IL1RAPL2: variants seen among roughly 807,000 people sequenced by gnomAD.
IL1RAPL2 encodes the protein X-linked interleukin-1 receptor accessory protein-like 2.
Under a neutral mutation model 44.1 loss-of-function variants are expected in IL1RAPL2, and 3 were observed. The observed-to-expected ratio is 0.07, with a 90% CI of 0.03 to 0.18. IL1RAPL2 has a LOEUF of 0.18. Ranked by LOEUF, IL1RAPL2 falls within the 10% of genes least tolerant of loss-of-function variation. IL1RAPL2 has a pLI of 1.00. For synonymous variants in IL1RAPL2, 181 were observed against 178.8 expected, an observed-to-expected ratio of 1.01 and a Z score of -0.10; for missense variants, 391 against 496.4, an observed-to-expected ratio of 0.79 and a Z score of 2.02.
chrX:104,621,261 C>T (rs184780674), intron 1 of IL1RAPL2, among the ~76,000 whole-genome samples: 5 of 106,811 alleles, frequency 4.7e-5, no homozygotes, highest in East Asian at 5.9e-4. Context: ...TATAATATTA[C>T]ATCTAGAATT....
At chrX:104,606,357 A>G (rs887333102) in intron 1 of IL1RAPL2, among the ~76,000 whole-genome samples, 6 of 111,897 alleles carry the variant, frequency 5.4e-5, no homozygotes, top group African/African-American at 1.6e-4. Flanking sequence ...ACCCACAGCC[A>G]ATACCATACT....
chrX:105,607,322 C>T (rs1166742747), intron 6 of IL1RAPL2, among the ~76,000 whole-genome samples: 1 of 108,708 alleles, frequency 9.2e-6, no homozygotes, highest in Non-Finnish European at 1.9e-5. Context: ...ATCAGTTTGG[C>T]TTTTTTTAAT....
chrX:105,012,702 G>T (rs73516229), intron 2 of IL1RAPL2, among the ~76,000 whole-genome samples: 6,073 of 77,633 alleles, frequency 0.078, 544 homozygotes, highest in African/African-American at 0.27. Context: ...ATAATAAAAT[G>T]CAAAATTATC....
intron 6 of IL1RAPL2, among the ~76,000 whole-genome samples, chrX:105,665,424 C>T (rs143537655): frequency 0.025 from 2,759 of 109,240 alleles, 51 homozygotes; most frequent in Non-Finnish European, 0.036. Flanking sequence ...TGTTTTTCCT[C>T]CTATCATTTG....
chrX:104,966,760 A>G (rs2030131514), intron 2 of IL1RAPL2, among the ~76,000 whole-genome samples: 1 of 112,556 alleles, frequency 8.9e-6, no homozygotes, highest in Non-Finnish European at 1.9e-5. Flanking sequence ...ATTGTGGACC[A>G]TATGATTTGC....
At chrX:104,724,920 T>C (rs1931759015) in intron 2 of IL1RAPL2, among the ~76,000 whole-genome samples, 1 of 111,549 alleles carries the variant, frequency 9.0e-6, no homozygotes, top group Admixed American at 9.6e-5. Flanking sequence ...AGTTCTGGGA[T>C]ACATGTACAG....
In IL1RAPL2 at chrX:104,865,035, TAG is replaced by T. The variant is rs1407433725; in HGVS notation, c.82+206042_82+206043del. ...CCAGTGCCAGAATGCATAATTGGCA[TAG>T]ACATACTTAGCAGCTTAAGACATAC... is the stretch of plus-strand genomic sequence containing the variant. On this transcript the variant is annotated intron_variant, in intron 2 of 10. Coordinates refer to ENST00000372582, the MANE Select transcript of IL1RAPL2 (RefSeq NM_017416.2). 2.7e-5 allele frequency among the ~76,000 whole-genome samples: 3 copies of T among 109,910 alleles called. No individual in the cohort carries two copies. The Admixed American group carries it at 2.9e-4, about 11-fold the overall frequency.
At chrX:104,720,001 A>G (rs752994550) in intron 2 of IL1RAPL2, among the ~76,000 whole-genome samples, 1 of 111,583 alleles carries the variant, frequency 9.0e-6, no homozygotes, top group South Asian at 3.7e-4. Flanking sequence ...AACTGTGGAG[A>G]ATAAATATGT....
At chrX:105,486,007 A>G (rs1412834476) in intron 6 of IL1RAPL2, among the ~76,000 whole-genome samples, 1 of 111,629 alleles carries the variant, frequency 9.0e-6, no homozygotes, top group East Asian at 2.8e-4. Flanking sequence ...TGGTAGCTCT[A>G]TTTTTAGTTT....
intron 1 of IL1RAPL2, among the ~76,000 whole-genome samples, chrX:104,610,714 T>C (rs1929136001): frequency 1.8e-5 from 2 of 111,694 alleles, no homozygotes; most frequent in Admixed American, 1.9e-4. Context: ...CAAGGTAATT[T>C]ATAGATTCAA....
chrX:104,781,533 C>T (rs1184030320), intron 2 of IL1RAPL2, among the ~76,000 whole-genome samples: 1 of 111,732 alleles, frequency 8.9e-6, no homozygotes, highest in Non-Finnish European at 1.9e-5. Context: ...CATTTAGGGG[C>T]CCAGATGCCT....
chrX:104,905,115 C>G (rs1156289093), intron 2 of IL1RAPL2, among the ~76,000 whole-genome samples: 5 of 111,452 alleles, frequency 4.5e-5, no homozygotes, highest in Non-Finnish European at 7.5e-5. Context: ...TGAGAAGTGT[C>G]TGTTCATGTC....
In IL1RAPL2 at chrX:104,910,827, G is replaced by A. The variant is rs561789820; in HGVS notation, c.82+251832G>A. On this transcript the variant is annotated intron_variant, in intron 2 of 10. Transcript: ENST00000372582. The stretch of plus-strand genomic sequence containing the variant: ...ATGACTGGGAACATGCTATTAAATG[G>A]ATATATTTTCAGATCTTCCTTAAAT... Among the ~76,000 whole-genome samples the A allele has an allele frequency of 1.4e-3, 161 of 111,867 alleles. 1 individual carries two copies. The highest frequency in any genetic ancestry group is 4.8e-3 in the African/African-American group (149 of 30,878).
chrX:104,638,112 A>G (rs1929862942), intron 1 of IL1RAPL2, among the ~76,000 whole-genome samples: 1 of 110,949 alleles, frequency 9.0e-6, no homozygotes, highest in African/African-American at 3.3e-5. Context: ...GTGTCCAGGA[A>G]CTTATCCATT....
chrX:104,656,704 A>T (rs1397724615), intron 1 of IL1RAPL2, among the ~76,000 whole-genome samples: 1 of 111,657 alleles, frequency 9.0e-6, no homozygotes, highest in African/African-American at 3.3e-5. Flanking sequence ...CTTGGTGCAG[A>T]GCTGAGTTCA....
chrX:105,068,297 T>A (rs2032164001), intron 2 of IL1RAPL2, among the ~76,000 whole-genome samples: 1 of 111,504 alleles, frequency 9.0e-6, no homozygotes, highest in Non-Finnish European at 1.9e-5. Flanking sequence ...TGTCAACCTT[T>A]ACAACACAGT....
At chrX:105,023,594 C>A (rs2031317676) in intron 2 of IL1RAPL2, among the ~76,000 whole-genome samples, 1 of 111,043 alleles carries the variant, frequency 9.0e-6, no homozygotes, top group Non-Finnish European at 1.9e-5. Context: ...AAGAGTGTGC[C>A]AAGAGCTTGA....
At chrX:105,575,637 C>T (rs1217898453) in intron 6 of IL1RAPL2, among the ~76,000 whole-genome samples, 1 of 112,108 alleles carries the variant, frequency 8.9e-6, no homozygotes, top group African/African-American at 3.2e-5. Flanking sequence ...TGAACATACA[C>T]ATGCACGTGT....
Position 104,879,090 on chromosome X carries a change from G to A in IL1RAPL2, c.82+220095G>A, listed in dbSNP as rs147384390. On this transcript the variant is annotated intron_variant, in intron 2 of 10. Coordinates refer to ENST00000372582, the MANE Select transcript of IL1RAPL2 (RefSeq NM_017416.2). The stretch of plus-strand genomic sequence containing the variant: ...ATATTTTATCATAGGGAAAGAATCG[G>A]ATTCTTTGTAAATCAGGCTCTGGTT... Among the ~76,000 whole-genome samples, 718 of 110,055 alleles carry A rather than the reference G, an allele frequency of 6.5e-3. 14 individuals are homozygous for A. Among genetic ancestry groups the A allele is most frequent in the African/African-American group, 0.023 (685 of 30,307 alleles).
Sources: gnomAD v4.1 joint callset for allele counts (sites outside exome capture counted in the v4.1 genomes callset) on GRCh38, gnomAD v4.1.1 for gene constraint, MANE v1.5 for transcripts, NCBI Gene and HGNC (gene_info 2026-07-23, HGNC 2026-07-21) for gene names.